FBXL17: variants seen among roughly 807,000 people sequenced by gnomAD.
FBXL17 encodes the protein F-box/LRR-repeat protein 17.
A neutral mutation model predicts 66.2 loss-of-function variants in FBXL17; 22 were observed. The ratio of observed to expected loss-of-function variants is 0.33; its 90% CI spans 0.24 to 0.47. The LOEUF (loss-of-function observed/expected upper bound fraction) is 0.47, where lower values mean the gene tolerates loss of function less well. FBXL17 is among the 20% of genes least tolerant of loss of function. The pLI, the probability that FBXL17 is intolerant of heterozygous loss-of-function variation, is 1.00. For synonymous variants in FBXL17, 474 were observed against 400.5 expected (o/e 1.18, Z -2.19); for missense variants, 878 against 948.2 (o/e 0.93, Z 0.97).
At chr5:108,086,750 G>C (rs35597230) in intron 6 of FBXL17, among the ~76,000 whole-genome samples, 1 of 152,070 alleles carries the variant, frequency 6.6e-6, no homozygotes, top group Non-Finnish European at 1.5e-5. Flanking sequence ...TAGTAGAGTA[G>C]GGGTTTCACC....
At chr5:108,098,571 C>T (rs1749476181) in intron 6 of FBXL17, among the ~76,000 whole-genome samples, 1 of 151,834 alleles carries the variant, frequency 6.6e-6, no homozygotes, top group Non-Finnish European at 1.5e-5. Context: ...CGGTCAAACC[C>T]CGTCTCTACT....
intron 6 of FBXL17, among the ~76,000 whole-genome samples, chr5:108,131,899 T>G (rs894279007): frequency 6.6e-6 from 1 of 152,142 alleles, no homozygotes; most frequent in Admixed American, 6.5e-5. Flanking sequence ...TGTACAATCA[T>G]ATTCAATTTA....
chr5:108,230,846 A>C (rs1755306044), intron 4 of FBXL17, among the ~76,000 whole-genome samples: 2 of 152,082 alleles, frequency 1.3e-5, no homozygotes, highest in Non-Finnish European at 2.9e-5. Flanking sequence ...TGCAGTGTAT[A>C]CTGCCCGGGT....
chr5:108,367,079 A>T (rs1748714685), intron 2 of FBXL17, among the ~76,000 whole-genome samples: 1 of 152,136 alleles, frequency 6.6e-6, no homozygotes, highest in South Asian at 2.1e-4. Flanking sequence ...CTAAACATTT[A>T]TCAGCACACT....
At chr5:107,947,857 TA>T (rs529379523) in intron 7 of FBXL17, among the ~76,000 whole-genome samples, 3 of 152,090 alleles carry the variant, frequency 2.0e-5, no homozygotes, top group Non-Finnish European at 2.9e-5. Flanking sequence ...TCTTATTTTT[TA>T]AAAAAACTCT....
chr5:108,007,462 G>A (rs1187049565), intron 7 of FBXL17, among the ~76,000 whole-genome samples: 1 of 151,958 alleles, frequency 6.6e-6, no homozygotes, highest in Non-Finnish European at 1.5e-5. Flanking sequence ...AGATAGAAAT[G>A]TAATAGTCCA....
chr5:108,039,451 TTTATATTCTGCCTACTTAA>T (rs1435987859), intron 6 of FBXL17, among the ~76,000 whole-genome samples: 1 of 152,092 alleles, frequency 6.6e-6, no homozygotes, highest in African/African-American at 2.4e-5. Context: ...AAGTTATTTA[TTTATATTCTGCCTACTTAA>T]CAAAAGAATT....
chr5:107,925,050 G>C (rs1750480503), intron 7 of FBXL17, among the ~76,000 whole-genome samples: 2 of 152,158 alleles, frequency 1.3e-5, no homozygotes, highest in South Asian at 4.1e-4. Flanking sequence ...GAGTCTCCAA[G>C]TGCTTCAGCA....
At chr5:108,011,665 T>G (rs752574081) in intron 7 of FBXL17, among the ~76,000 whole-genome samples, 17 of 151,870 alleles carry the variant, frequency 1.1e-4, no homozygotes, top group Non-Finnish European at 2.5e-4. Context: ...TAAAATAAAA[T>G]AAAATAAAAT....
intron 6 of FBXL17, among the ~76,000 whole-genome samples, chr5:108,185,405 C>T (rs1175713531): frequency 1.3e-5 from 2 of 152,200 alleles, no homozygotes; most frequent in Non-Finnish European, 2.9e-5. Context: ...TCACTCTTTT[C>T]CTTCCTTCTC....
chr5:108,217,578 G>A (rs1025900954), intron 5 of FBXL17, among the ~76,000 whole-genome samples: 4 of 151,416 alleles, frequency 2.6e-5, no homozygotes, highest in African/African-American at 9.7e-5. Context: ...ATTTGTGGTC[G>A]ACCACTTAAA....
intron 6 of FBXL17, among the ~76,000 whole-genome samples, chr5:108,148,355 G>A (rs2149993554): frequency 1.3e-5 from 2 of 152,226 alleles, no homozygotes; most frequent in Admixed American, 1.3e-4. Flanking sequence ...ATCCAAATAA[G>A]GCTAGTGCTC....
intron 7 of FBXL17, among the ~76,000 whole-genome samples, chr5:107,975,695 T>G (rs1398696437): frequency 1.3e-5 from 2 of 152,100 alleles, no homozygotes; most frequent in African/African-American, 4.8e-5. Context: ...GACTTATTAA[T>G]TGAAATGGGT....
At chr5:108,380,555 G>T (rs1441840882) in intron 1 of FBXL17, 144 bp downstream of exon 1, 2 of 440,906 alleles carry the variant, frequency 4.5e-6, no homozygotes, top group African/African-American at 4.1e-5. Context: ...GGCCCCACTG[G>T]CTTCCCAGTC....
chr5:108,313,505 C>A (rs1447601993), intron 4 of FBXL17, among the ~76,000 whole-genome samples: 1 of 152,004 alleles, frequency 6.6e-6, no homozygotes, highest in Non-Finnish European at 1.5e-5. Context: ...TACAGCAAGC[C>A]AACAACTGTA....
At chr5:108,277,419 G>A (rs1056151660) in intron 4 of FBXL17, among the ~76,000 whole-genome samples, 1 of 152,102 alleles carries the variant, frequency 6.6e-6, no homozygotes, top group South Asian at 2.1e-4. Flanking sequence ...TCCTTTTCAA[G>A]AAACTACTGA....
chr5:107,861,789 G>A lies in FBXL17; in HGVS notation c.2037C>T (p.Asp679=). 1.3e-6 allele frequency: 2 copies of A among 1,587,600 alleles called. No individual in the cohort carries two copies. Among genetic ancestry groups the A allele is most frequent in the Non-Finnish European group, 1.7e-6 (2 of 1,164,672 alleles). ...PHITFSTVLQ[D]CKRTLERAYQ... ...AGGCTCTCTCCAAGGTCCTCTTGCAGTCCTGCAGGACGGTGCTGAAGGTGA... is the reference window on the plus strand; with the variant it reads ...AGGCTCTCTCCAAGGTCCTCTTGCAATCCTGCAGGACGGTGCTGAAGGTGA... Residue 679 remains aspartate, a synonymous_variant, in exon 9 of 9, where the codon GAC becomes GAT. Coordinates refer to ENST00000542267, the MANE Select transcript of FBXL17 (RefSeq NM_001163315.3).
At chr5:108,358,548 G>T (rs1748143307) in intron 3 of FBXL17, among the ~76,000 whole-genome samples, 1 of 152,086 alleles carries the variant, frequency 6.6e-6, no homozygotes, top group South Asian at 2.1e-4. Flanking sequence ...GTAGGTTACG[G>T]TGTAGAATCC....
intron 6 of FBXL17, among the ~76,000 whole-genome samples, chr5:108,032,273 A>G (rs1746671207): frequency 1.3e-5 from 2 of 152,128 alleles, no homozygotes; most frequent in African/African-American, 2.4e-5. Context: ...AATGTAAAGT[A>G]CGTAGAGCAG....
Sources: gnomAD v4.1 joint callset for allele counts (sites outside exome capture counted in the v4.1 genomes callset) on GRCh38, gnomAD v4.1.1 for gene constraint, MANE v1.5 for transcripts, NCBI Gene and HGNC (gene_info 2026-07-23, HGNC 2026-07-21) for gene names.